The following DNER variants were observed in gnomAD, a reference collection of about 807,000 sequenced individuals.
DNER encodes the protein delta and Notch-like epidermal growth factor-related receptor.
DNER carries 33 observed loss-of-function variants against 78.2 expected under a neutral mutation model. The observed-to-expected ratio is 0.42, with a 90% CI of 0.32 to 0.56. DNER has a LOEUF of 0.56. Among genes scored for constraint, DNER ranks in the 20% least tolerant of loss-of-function variants. The pLI is 0.11. For missense variants in DNER, 918 were observed against 975.3 expected (o/e 0.94, Z 0.78); for synonymous variants, 417 against 384.8 (o/e 1.08, Z -0.98).
chr2:229,554,941 A>AGAGAGAAAAGGG (rs1559165523), intron 4 of DNER, among the ~76,000 whole-genome samples: 7 of 25,588 alleles, frequency 2.7e-4, no homozygotes, highest in African/African-American at 3.9e-4. Flanking sequence ...AGAAGAGAGA[A>AGAGAGAAAAGGG]AAGGGAAGGG....
chr2:229,588,515 A>G, intron 2 of DNER, 27 bp from the exon 3 acceptor site: 1 of 1,570,438 alleles, frequency 6.4e-7, no homozygotes, highest in Non-Finnish European at 8.8e-7. Context: ...AAAACGACAT[A>G]TGATTGGGGT....
chr2:229,369,687 G>A (rs2106327562), intron 11 of DNER, among the ~76,000 whole-genome samples: 1 of 152,244 alleles, frequency 6.6e-6, no homozygotes, highest in African/African-American at 2.4e-5. Flanking sequence ...GTATTAGCAG[G>A]AAAAACTGGA....
intron 1 of DNER, among the ~76,000 whole-genome samples, chr2:229,711,537 C>G (rs766392762): frequency 1.3e-4 from 20 of 152,126 alleles, no homozygotes; most frequent in Non-Finnish European, 2.5e-4. Context: ...CTAAAGACAT[C>G]CTTTTTTAAA....
At chr2:229,614,996 T>C (rs112686449) in intron 1 of DNER, among the ~76,000 whole-genome samples, 2,378 of 152,228 alleles carry the variant, frequency 0.016, 52 homozygotes, top group African/African-American at 0.054. Context: ...ATCACCAAAG[T>C]TTCATTCTTA....
chr2:229,469,427 T>C (rs967117051), intron 7 of DNER, among the ~76,000 whole-genome samples: 2 of 152,170 alleles, frequency 1.3e-5, no homozygotes, highest in Non-Finnish European at 2.9e-5. Flanking sequence ...CTCTGCGAGG[T>C]ACTGGTCTAA....
chr2:229,684,886 C>T (rs997827153), intron 1 of DNER, among the ~76,000 whole-genome samples: 1 of 152,134 alleles, frequency 6.6e-6, no homozygotes, highest in African/African-American at 2.4e-5. Flanking sequence ...AAATAATTTA[C>T]TTTTTTGAAG....
chr2:229,413,318 C>CTTTTTTTTTTTTTTTTT (rs751043233), intron 9 of DNER, among the ~76,000 whole-genome samples: 3 of 89,504 alleles, frequency 3.4e-5, no homozygotes, highest in African/African-American at 8.9e-5. Context: ...TCTTTTTCTT[C>CTTTTTTTTTTTTTTTTT]TTCTTTTTTT....
chr2:229,534,197 A>G (rs1376858365), intron 5 of DNER, among the ~76,000 whole-genome samples: 1 of 151,840 alleles, frequency 6.6e-6, no homozygotes, highest in African/African-American at 2.4e-5. Context: ...TTGTAACGTA[A>G]CAGACCAATA....
At chr2:229,449,610 A>G (rs930530425) in intron 7 of DNER, among the ~76,000 whole-genome samples, 3 of 152,166 alleles carry the variant, frequency 2.0e-5, no homozygotes, top group Non-Finnish European at 4.4e-5. Context: ...AGTGGGGAGC[A>G]GTGCAGGTTC....
chr2:229,588,322 C>T (rs991582461), intron 3 of DNER, 72 bp downstream of exon 3: 18 of 1,416,294 alleles, frequency 1.3e-5, no homozygotes, highest in Middle Eastern at 3.8e-4. Flanking sequence ...ACACCAGGTC[C>T]GCGGATGGAC....
Position 229,640,662 on chromosome 2 carries a change from A to G in DNER, c.277-48774T>C, listed in dbSNP as rs138423561. ...CGTCTGAGGTTGACAGTTTCTCAGA[A>G]CAATGTGTGCACAATAAAATTGAGG... On this transcript the variant is annotated intron_variant, in intron 1 of 12. Transcript: ENST00000341772. 1.7e-3 allele frequency among the ~76,000 whole-genome samples: 254 copies of G among 152,346 alleles called. 1 individual carries two copies. Among genetic ancestry groups the G allele is most frequent in the African/African-American group, 5.5e-3 (228 of 41,582 alleles).
At chr2:229,433,095 G>A (rs545938272) in intron 8 of DNER, among the ~76,000 whole-genome samples, 17 of 152,128 alleles carry the variant, frequency 1.1e-4, no homozygotes, top group Admixed American at 8.5e-4. Context: ...GCCTGCCACC[G>A]TACCTGACTA....
intron 11 of DNER, among the ~76,000 whole-genome samples, chr2:229,382,144 C>A (rs1692752437): frequency 6.6e-6 from 1 of 152,216 alleles, no homozygotes; most frequent in South Asian, 2.1e-4. Flanking sequence ...GGACCTCCAG[C>A]AAACTCCAGC....
At position 229,668,144 on chromosome 2, in the gene DNER, G is replaced by T. The variant is rs1409891728; in HGVS notation, c.276+46004C>A. On this transcript the variant is annotated intron_variant, in intron 1 of 12. Coordinates refer to ENST00000341772, the MANE Select transcript of DNER (RefSeq NM_139072.4). Reference sequence around the variant, plus strand: ...TCATGACTGCATACACCACCATTCAGACAGGAAGCGCTGACCACCAGTAGG... The same window carrying T: ...TCATGACTGCATACACCACCATTCATACAGGAAGCGCTGACCACCAGTAGG... Among the ~76,000 whole-genome samples, 3 of 152,084 alleles carry T rather than the reference G, an allele frequency of 2.0e-5. No individual in the cohort carries two copies. In the East Asian group the frequency reaches 5.8e-4, roughly 29 times the overall value.
chr2:229,706,396 C>CA (rs35958661), intron 1 of DNER, among the ~76,000 whole-genome samples: 66,113 of 119,776 alleles, frequency 0.55, 16,462 homozygotes, highest in Non-Finnish European at 0.62. Flanking sequence ...AGTAAAAATA[C>CA]AAAAAAAAAA....
At chr2:229,448,166 A>G (rs1694378407) in intron 7 of DNER, among the ~76,000 whole-genome samples, 1 of 152,194 alleles carries the variant, frequency 6.6e-6, no homozygotes, top group Middle Eastern at 3.2e-3. Context: ...TACCCACACA[A>G]TGAAATACCA....
At chr2:229,630,860 G>C (rs1224535742) in intron 1 of DNER, among the ~76,000 whole-genome samples, 2 of 151,930 alleles carry the variant, frequency 1.3e-5, no homozygotes, top group East Asian at 3.9e-4. Flanking sequence ...CCAGTATTTA[G>C]CTCCCACTTA....
At chr2:229,669,845 C>T (rs919670356) in intron 1 of DNER, among the ~76,000 whole-genome samples, 1 of 152,154 alleles carries the variant, frequency 6.6e-6, no homozygotes, top group Non-Finnish European at 1.5e-5. Flanking sequence ...AAGATCATAA[C>T]ATTTTTTCTA....
At chr2:229,516,114 G>C (rs1332208458) in intron 5 of DNER, among the ~76,000 whole-genome samples, 2 of 152,188 alleles carry the variant, frequency 1.3e-5, no homozygotes, top group Non-Finnish European at 2.9e-5. Context: ...GATGAGGAAG[G>C]AGGTTAACAA....
Sources: gnomAD v4.1 joint callset for allele counts (sites outside exome capture counted in the v4.1 genomes callset) on GRCh38, gnomAD v4.1.1 for gene constraint, MANE v1.5 for transcripts, NCBI Gene and HGNC (gene_info 2026-07-23, HGNC 2026-07-21) for gene names.